Variants in FAM107B observed in about 807,000 individuals in gnomAD.
The protein encoded by FAM107B is protein FAM107B.
Under a neutral mutation model 31.5 loss-of-function variants are expected in FAM107B, and 21 were observed. That is an observed-to-expected ratio of 0.67 (90% CI 0.47 to 0.96). The LOEUF is 0.96. Among genes scored for constraint, FAM107B ranks in the 40% least tolerant of loss-of-function variants. FAM107B has a pLI of 0.00. For missense variants in FAM107B, 452 were observed against 377.1 expected, an observed-to-expected ratio of 1.20 and a Z score of -1.64; for synonymous variants, 157 against 141.5, an observed-to-expected ratio of 1.11 and a Z score of -0.78.
intron 1 of FAM107B, among the ~76,000 whole-genome samples, chr10:14,668,905 T>C (rs1854473042): frequency 6.6e-6 from 1 of 152,140 alleles, no homozygotes. Context: ...TAGGGTTCCA[T>C]AAATAAAAAC....
intron 1 of FAM107B, among the ~76,000 whole-genome samples, chr10:14,736,081 T>C (rs986370290): frequency 2.0e-5 from 3 of 152,054 alleles, no homozygotes; most frequent in East Asian, 3.8e-4. Flanking sequence ...ATAACAAAGA[T>C]GGAAGTCCTA....
chr10:14,685,905 C>T (rs1854972720), intron 1 of FAM107B, among the ~76,000 whole-genome samples: 1 of 152,110 alleles, frequency 6.6e-6, no homozygotes, highest in Admixed American at 6.6e-5. Context: ...AAAAAAGAAG[C>T]GAAGACAAGC....
At chr10:14,614,667 ACT>A (rs1464873158) in intron 2 of FAM107B, among the ~76,000 whole-genome samples, 2 of 142,962 alleles carry the variant, frequency 1.4e-5, no homozygotes, top group East Asian at 2.1e-4. Context: ...AGCAAGCGAG[ACT>A]CTGTCTCAAA....
chr10:14,690,013 GGAAGGA>G, intron 1 of FAM107B, among the ~76,000 whole-genome samples: 3 of 130,302 alleles, frequency 2.3e-5, no homozygotes, highest in African/African-American at 5.6e-5. Context: ...AAGGAAGGAA[GGAAGGA>G]AGGAAGGGAG....
At chr10:14,669,891 ATGTAT>A (rs1854501422) in intron 1 of FAM107B, among the ~76,000 whole-genome samples, 1 of 152,260 alleles carries the variant, frequency 6.6e-6, no homozygotes, top group African/African-American at 2.4e-5. Context: ...GTTAACAACA[ATGTAT>A]TGCATATTTC....
At chr10:14,699,964 G>A (rs1039015905) in intron 1 of FAM107B, among the ~76,000 whole-genome samples, 3 of 151,992 alleles carry the variant, frequency 2.0e-5, no homozygotes, top group Non-Finnish European at 2.9e-5. Context: ...ATGGACTCCC[G>A]CTCTGTTGCC....
intron 1 of FAM107B, among the ~76,000 whole-genome samples, chr10:14,675,724 A>G (rs902654407): frequency 3.3e-5 from 5 of 152,208 alleles, no homozygotes; most frequent in African/African-American, 4.8e-5. Flanking sequence ...TCTCATTTCA[A>G]ATAATTCTGG....
In FAM107B at chr10:14,549,849, C is replaced by T. The variant is rs549436514; in HGVS notation, c.470-19334G>A. On this transcript the variant is annotated intron_variant, in intron 2 of 4. Transcript: ENST00000181796. The stretch of plus-strand genomic sequence containing the variant: ...TAACAGACACAGGAAAACTTAAAAG[C>T]TGAATGGGAAAATGACCGCATCCTG... 1.8e-3 allele frequency among the ~76,000 whole-genome samples: 276 copies of T among 152,248 alleles called. 1 individual carries two copies. Among genetic ancestry groups the T allele is most frequent in the African/African-American group, 6.5e-3 (269 of 41,528 alleles).
intron 1 of FAM107B, among the ~76,000 whole-genome samples, chr10:14,748,792 A>G (rs1344569715): frequency 6.6e-6 from 1 of 152,188 alleles, no homozygotes; most frequent in South Asian, 2.1e-4. Context: ...TATTGCTTGC[A>G]ACTACAAACC....
At chr10:14,552,111 G>C (rs973240286) in intron 2 of FAM107B, among the ~76,000 whole-genome samples, 17 of 152,204 alleles carry the variant, frequency 1.1e-4, no homozygotes, top group African/African-American at 4.1e-4. Context: ...AGGACGGTCT[G>C]TGTGATCACA....
At chr10:14,667,430 G>A (rs1854430697) in intron 2 of FAM107B, among the ~76,000 whole-genome samples, 1 of 152,184 alleles carries the variant, frequency 6.6e-6, no homozygotes. Context: ...AGAAGACAAA[G>A]AACAGAACGA....
At chr10:14,660,256 T>C (rs1021634784) in intron 2 of FAM107B, among the ~76,000 whole-genome samples, 1 of 152,178 alleles carries the variant, frequency 6.6e-6, no homozygotes, top group Admixed American at 6.5e-5. Context: ...GGTACACTTA[T>C]TGGAAACTTG....
chr10:14,662,998 G>A (rs533667485), intron 2 of FAM107B, among the ~76,000 whole-genome samples: 9 of 152,200 alleles, frequency 5.9e-5, no homozygotes, highest in Non-Finnish European at 1.3e-4. Context: ...AGAAGAAAGA[G>A]GAAAGAGTAG....
chr10:14,601,013 T>A lies in FAM107B; in HGVS notation c.469+66621A>T, dbSNP rs372281402. Among the ~76,000 whole-genome samples, 222 of 152,356 alleles carry A rather than the reference T, an allele frequency of 1.5e-3. 2 individuals are homozygous for A. The highest frequency in any genetic ancestry group is 5.0e-3 in the African/African-American group (207 of 41,590). ...CACTCCTGGCCTCAAGCAGTCCTCCTGCTTCAGCCTCCCAAAGCACTGGGA... is the reference window on the plus strand; with the variant it reads ...CACTCCTGGCCTCAAGCAGTCCTCCAGCTTCAGCCTCCCAAAGCACTGGGA... On this transcript the variant is annotated intron_variant, in intron 2 of 4. Coordinates refer to ENST00000181796, the MANE Select transcript of FAM107B (RefSeq NM_031453.4).
intron 2 of FAM107B, among the ~76,000 whole-genome samples, chr10:14,582,607 G>A (rs1406927615): frequency 6.6e-6 from 1 of 151,516 alleles, no homozygotes; most frequent in Non-Finnish European, 1.5e-5. Context: ...TCGATCTCCT[G>A]ACCTTGTGAT....
At chr10:14,643,706 G>T (rs993805103) in intron 2 of FAM107B, among the ~76,000 whole-genome samples, 1 of 152,024 alleles carries the variant, frequency 6.6e-6, no homozygotes. Context: ...CACTGCACCC[G>T]GCTGTCAGTC....
chr10:14,675,995 A>C (rs561281655), intron 1 of FAM107B, among the ~76,000 whole-genome samples: 2 of 152,136 alleles, frequency 1.3e-5, no homozygotes, highest in African/African-American at 4.8e-5. Context: ...CTGTCTCTGC[A>C]AGTAATAAAA....
intron 2 of FAM107B, among the ~76,000 whole-genome samples, chr10:14,552,302 G>A (rs530292824): frequency 1.3e-5 from 2 of 152,302 alleles, no homozygotes; most frequent in South Asian, 4.1e-4. Context: ...CCACTCAATG[G>A]TGATGGAAAT....
chr10:14,548,374 C>A, intron 2 of FAM107B: 1 of 973,928 alleles, frequency 1.0e-6, no homozygotes, highest in Non-Finnish European at 1.2e-6. Context: ...CCTGCCAGCT[C>A]CAGGGGAGGT....
Sources: allele counts gnomAD v4.1 joint callset (sites outside exome capture counted in the v4.1 genomes callset), GRCh38; gene constraint gnomAD v4.1.1; transcripts MANE v1.5; gene names NCBI Gene and HGNC (gene_info 2026-07-23, HGNC 2026-07-21).